The following CD46 variants were observed in gnomAD, a reference collection of about 807,000 sequenced individuals.
CD46 encodes CD46 molecule, also known as membrane cofactor protein.
A neutral mutation model predicts 53.3 loss-of-function variants in CD46; 30 were observed. The observed-to-expected ratio is 0.56, with a 90% CI of 0.42 to 0.76. The LOEUF is 0.76. CD46 is among the 30% of genes least tolerant of loss of function. The pLI, the probability that CD46 is intolerant of heterozygous loss-of-function variation, is 0.00. For synonymous variants in CD46, 142 were observed against 152.0 expected, an observed-to-expected ratio of 0.93 and a Z score of 0.48; for missense variants, 409 against 463.0, an observed-to-expected ratio of 0.88 and a Z score of 1.07.
intron 8 of CD46, among the ~76,000 whole-genome samples, chr1:207,780,715 C>T (rs1203505271): frequency 6.6e-6 from 1 of 152,148 alleles, no homozygotes; most frequent in African/African-American, 2.4e-5. Flanking sequence ...CACATCTCCA[C>T]CAACACTTAT....
At chr1:207,771,379 G>A (rs920827737) in intron 8 of CD46, among the ~76,000 whole-genome samples, 1 of 152,126 alleles carries the variant, frequency 6.6e-6, no homozygotes, top group Non-Finnish European at 1.5e-5. Context: ...TTCTTTTGCT[G>A]TGCAGAAGCT....
intron 2 of CD46, 34 bp from the exon 3 acceptor site, chr1:207,757,506 T>A: frequency 4.4e-6 from 6 of 1,353,254 alleles, no homozygotes; most frequent in Non-Finnish European, 6.3e-6. Flanking sequence ...GTTTTATAAC[T>A]GGATTGAAAA....
chr1:207,760,577 A>T (rs1656065562), intron 4 of CD46: 2 of 152,294 alleles, frequency 1.3e-5, no homozygotes, highest in Admixed American at 6.5e-5. Flanking sequence ...ATGGCCTTCC[A>T]AATAAATACA....
chr1:207,786,551 C>G (rs1659291071), intron 11 of CD46, among the ~76,000 whole-genome samples: 1 of 152,146 alleles, frequency 6.6e-6, no homozygotes. Context: ...AATATACATT[C>G]ATTTTTACTG....
chr1:207,780,896 A>G (rs546386430), intron 8 of CD46, among the ~76,000 whole-genome samples: 1 of 152,056 alleles, frequency 6.6e-6, no homozygotes, highest in South Asian at 2.1e-4. Flanking sequence ...TTGCTTTGTC[A>G]TAATATGATG....
chr1:207,782,834 T>C (rs1232911078), intron 8 of CD46, among the ~76,000 whole-genome samples: 2 of 150,438 alleles, frequency 1.3e-5, no homozygotes, highest in Middle Eastern at 3.2e-3. Flanking sequence ...TTTTTTTTTT[T>C]AGTAGAGACG....
chr1:207,767,528 CAATGGCAT>C, intron 6 of CD46: 1 of 1,171,820 alleles, frequency 8.5e-7, no homozygotes, highest in Non-Finnish European at 1.3e-6. Context: ...AGTAAGTCAA[CAATGGCAT>C]AATTCATATA....
rs756299862 is a variant in CD46, at chr1:207,770,350, T to G, written c.931T>G (p.Ser311Ala). 6 of 1,604,478 alleles carry G rather than the reference T, an allele frequency of 3.7e-6. No individual in the cohort carries two copies. The highest frequency in any genetic ancestry group is 5.1e-6 in the Non-Finnish European group (6 of 1,171,808). ...GPRPTYKPPV[S>A]NYPGYPKPEE... ...TAGGCCTACTTACAAGCCTCCAGTC[T>G]CAAATTATCCAGGTTGGTTAACTCT... Residue 311 changes from serine (S) to alanine (A), a missense_variant, in exon 8 of 13, where the codon TCA (serine) becomes GCA (alanine). By Grantham distance (99) the Ser-to-Ala change is moderately conservative. Transcript: ENST00000367042.
At chr1:207,758,058 T>C (rs1655764370) in intron 3 of CD46, among the ~76,000 whole-genome samples, 1 of 152,204 alleles carries the variant, frequency 6.6e-6, no homozygotes, top group Admixed American at 6.5e-5. Flanking sequence ...CTGACGCGGT[T>C]AGCCTTTACC....
At chr1:207,778,359 C>CTGTTATTATG (rs1319635961) in intron 8 of CD46, among the ~76,000 whole-genome samples, 1 of 151,984 alleles carries the variant, frequency 6.6e-6, no homozygotes, top group East Asian at 1.9e-4. Flanking sequence ...AAATCTTTGT[C>CTGTTATTATG]TGTTATTATG....
intron 8 of CD46, among the ~76,000 whole-genome samples, chr1:207,780,964 A>G (rs1381293796): frequency 6.6e-6 from 1 of 151,690 alleles, no homozygotes; most frequent in Non-Finnish European, 1.5e-5. Context: ...AAGAGGGACA[A>G]AACCATGCCC....
chr1:207,752,111 T>G lies in CD46; in HGVS notation c.-102T>G. On this transcript the variant is annotated 5_prime_UTR_variant, in exon 1 of 13. In the 5' UTR this introduces an upstream ATG that the reference lacks. Coordinates refer to ENST00000367042, the MANE Select transcript of CD46 (RefSeq NM_172351.3). This position sits in a 1 kb window ranked among gnomAD's most constrained non-coding sequence, Gnocchi z 4.1. Reference sequence around the variant, plus strand: ...ACTGGATGCTTTGTGAGTTGGGGATTGTTGCGTCCCATATCTGGACCCAGA... The same window carrying G: ...ACTGGATGCTTTGTGAGTTGGGGATGGTTGCGTCCCATATCTGGACCCAGA... The G allele has an allele frequency of 9.3e-7, 1 of 1,079,366 alleles. No homozygotes were observed. Among genetic ancestry groups the G allele is most frequent in the Admixed American group, 1.7e-5 (1 of 59,376 alleles). 66.9% of individuals were successfully genotyped at this position (1,079,366 alleles called of 1,614,324 possible).
At chr1:207,774,373 C>T (rs1284033257) in intron 8 of CD46, among the ~76,000 whole-genome samples, 4 of 152,114 alleles carry the variant, frequency 2.6e-5, no homozygotes, top group Admixed American at 1.3e-4. Context: ...GGGCATTTAG[C>T]CCATTTTCAT....
chr1:207,766,150 A>C (rs1282869021), intron 5 of CD46, among the ~76,000 whole-genome samples: 1 of 152,180 alleles, frequency 6.6e-6, no homozygotes, highest in African/African-American at 2.4e-5. Flanking sequence ...ATGAGGGGGA[A>C]GAGGGGTAAC....
chr1:207,795,068 GCA>G lies in CD46; in HGVS notation c.*1594_*1595del, dbSNP rs1274330527. 3.9e-5 allele frequency: 6 copies of G among 152,330 alleles called. No individual in the cohort carries two copies. Among genetic ancestry groups the G allele is most frequent in the African/African-American group, 1.4e-4 (6 of 41,570 alleles). 9.4% of individuals were successfully genotyped at this position (152,330 alleles called of 1,614,324 possible). On this transcript the variant is annotated 3_prime_UTR_variant, in exon 13 of 13. Transcript: ENST00000367042. ...AGAACAAACAGGAATTCTGAATTAAGCACAGAGTTGAAGTTTATACCCGTTTC... is the reference window on the plus strand; with the variant it reads ...AGAACAAACAGGAATTCTGAATTAAGCAGAGTTGAAGTTTATACCCGTTTC...
intron 7 of CD46, chr1:207,768,879 T>C (rs1487527475): frequency 6.6e-6 from 1 of 152,242 alleles, no homozygotes; most frequent in Non-Finnish European, 1.5e-5. Context: ...TCTCAATCAC[T>C]GGCTTCTAAT....
chr1:207,773,928 G>A (rs767128018), intron 8 of CD46, among the ~76,000 whole-genome samples: 45 of 152,278 alleles, frequency 3.0e-4, no homozygotes, highest in Non-Finnish European at 4.4e-4. Flanking sequence ...TTCAAGTCCT[G>A]GATATCCTTG....
chr1:207,765,976 G>A (rs574256348), intron 5 of CD46, among the ~76,000 whole-genome samples: 2 of 152,230 alleles, frequency 1.3e-5, no homozygotes, highest in Admixed American at 6.5e-5. Context: ...GCAATAAAAA[G>A]GAATGAACTG....
rs1419898630 is a variant in CD46, at chr1:207,757,203, G to C, written c.286+1G>C. On this transcript the variant is annotated splice_donor_variant, in intron 2 of 12. Transcript: ENST00000367042. LOFTEE classifies it high-confidence loss of function. ...CCTGTCTCAGATGACGCCTGTTATA[G>C]TAAGTAAACAAACCTCTTTTTTTTT... 3 of 1,611,084 alleles carry C rather than the reference G, an allele frequency of 1.9e-6. No homozygotes were observed. Among genetic ancestry groups the C allele is most frequent in the Admixed American group, 3.3e-5 (2 of 59,986 alleles).
Sources: allele counts gnomAD v4.1 joint callset (sites outside exome capture counted in the v4.1 genomes callset), GRCh38; gene constraint gnomAD v4.1.1; non-coding constraint Gnocchi (gnomAD v3.1); transcripts MANE v1.5; gene names NCBI Gene and HGNC (gene_info 2026-07-23, HGNC 2026-07-21).